TBC1D22A: variants seen among roughly 807,000 people sequenced by gnomAD.
The protein encoded by TBC1D22A is TBC1 domain family member 22A.
In TBC1D22A, 38 loss-of-function variants were observed where a neutral mutation model predicts 60.2. The observed-to-expected ratio is 0.63, with a 90% CI of 0.49 to 0.83. TBC1D22A has a LOEUF of 0.83. Among genes scored for constraint, TBC1D22A ranks in the 40% least tolerant of loss-of-function variants. The pLI, the probability that TBC1D22A is intolerant of heterozygous loss-of-function variation, is 0.00. For synonymous variants in TBC1D22A, 302 were observed against 281.7 expected (o/e 1.07, Z -0.72); for missense variants, 628 against 701.0 (o/e 0.90, Z 1.18).
At chr22:47,143,924 G>A (rs1380900930) in intron 12 of TBC1D22A, among the ~76,000 whole-genome samples, 4 of 152,164 alleles carry the variant, frequency 2.6e-5, no homozygotes, top group East Asian at 3.9e-4. Flanking sequence ...CGGCAGGCCC[G>A]CTGCCTTCTT....
At chr22:47,102,693 C>T (rs1222451020) in intron 11 of TBC1D22A, among the ~76,000 whole-genome samples, 1 of 152,194 alleles carries the variant, frequency 6.6e-6, no homozygotes, top group Non-Finnish European at 1.5e-5. Context: ...CTAAGTTCTG[C>T]TCCCTGGTTG....
chr22:46,791,531 GTTT>G (rs11351638), intron 1 of TBC1D22A, among the ~76,000 whole-genome samples: 2 of 140,624 alleles, frequency 1.4e-5, no homozygotes, highest in African/African-American at 2.6e-5. Context: ...AGCTAAGCCT[GTTT>G]TTTTTTTTTT....
At chr22:46,950,450 C>T (rs569601753) in intron 8 of TBC1D22A, among the ~76,000 whole-genome samples, 2 of 152,278 alleles carry the variant, frequency 1.3e-5, no homozygotes, top group East Asian at 1.9e-4. Flanking sequence ...CCCAGGCAGT[C>T]GTTGATTTCT....
At chr22:47,029,943 A>C (rs998572505) in intron 10 of TBC1D22A, among the ~76,000 whole-genome samples, 1 of 152,164 alleles carries the variant, frequency 6.6e-6, no homozygotes, top group African/African-American at 2.4e-5. Flanking sequence ...CACCATTGGC[A>C]GTGAGCGGTT....
At chr22:47,133,455 GC>G (rs2066750602) in intron 12 of TBC1D22A, among the ~76,000 whole-genome samples, 1 of 152,220 alleles carries the variant, frequency 6.6e-6, no homozygotes, top group African/African-American at 2.4e-5. Flanking sequence ...GGATTTGCCA[GC>G]CCCAGGTGAA....
intron 4 of TBC1D22A, among the ~76,000 whole-genome samples, chr22:46,855,253 C>G (rs904454265): frequency 2.0e-5 from 3 of 152,222 alleles, no homozygotes; most frequent in African/African-American, 4.8e-5. Flanking sequence ...GTCCCCTTAC[C>G]TATACATAAT....
At chr22:46,969,238 G>T (rs572883354) in intron 8 of TBC1D22A, among the ~76,000 whole-genome samples, 11 of 152,282 alleles carry the variant, frequency 7.2e-5, no homozygotes, top group African/African-American at 2.6e-4. Flanking sequence ...AGAAATAACT[G>T]CTCATTGTGA....
chr22:46,773,728 T>A (rs929919743), intron 1 of TBC1D22A, among the ~76,000 whole-genome samples: 2 of 152,160 alleles, frequency 1.3e-5, no homozygotes, highest in Non-Finnish European at 2.9e-5. Context: ...CACCTTGGCC[T>A]CCCAAAGTGC....
intron 11 of TBC1D22A, among the ~76,000 whole-genome samples, chr22:47,072,419 A>G (rs1258573868): frequency 6.6e-6 from 1 of 152,244 alleles, no homozygotes; most frequent in Non-Finnish European, 1.5e-5. Flanking sequence ...GCTTTGCAGC[A>G]GTGCAGTGCC....
intron 8 of TBC1D22A, among the ~76,000 whole-genome samples, chr22:46,945,914 AC>A (rs1311510355): frequency 1.3e-5 from 2 of 152,116 alleles, no homozygotes; most frequent in African/African-American, 4.8e-5. Context: ...TTTAGAACTT[AC>A]TTTTCTACTC....
At position 46,943,179 on chromosome 22, in the gene TBC1D22A, G is replaced by A. The variant is rs370306751; in HGVS notation, c.1015+30991G>A. Among the ~76,000 whole-genome samples the A allele has an allele frequency of 3.2e-4, 48 of 152,088 alleles. No individual in the cohort carries two copies. The East Asian group carries it at 4.5e-3, about 14-fold the overall frequency. ...AAATGTCCTCCGAAGGGAGCTGCCC[G>A]CCTCACTTTTGGCTTATGCTCTCCT... On this transcript the variant is annotated intron_variant, in intron 8 of 12. Transcript: ENST00000337137.
At position 47,023,460 on chromosome 22, in the gene TBC1D22A, A is replaced by G. The variant is rs148063584; in HGVS notation, c.1202-13611A>G. On this transcript the variant is annotated intron_variant, in intron 10 of 12. Transcript: ENST00000337137. Reference sequence around the variant, plus strand: ...AAATAATACTCAGTTAAAAAAAATCATATGGAACCTATAAACCTGTAGAAT... The same window carrying G: ...AAATAATACTCAGTTAAAAAAAATCGTATGGAACCTATAAACCTGTAGAAT... Among the ~76,000 whole-genome samples the G allele has an allele frequency of 5.6e-4, 85 of 152,392 alleles. 1 individual carries two copies. Among genetic ancestry groups the G allele is most frequent in the Non-Finnish European group, 9.7e-4 (66 of 68,042 alleles).
At chr22:46,995,513 T>TTGTGTGTGTG (rs560356769) in intron 9 of TBC1D22A, among the ~76,000 whole-genome samples, 1 of 151,096 alleles carries the variant, frequency 6.6e-6, no homozygotes, top group African/African-American at 2.4e-5. Context: ...TGCACGCACT[T>TTGTGTGTGTG]TGTGTGTGTG....
intron 9 of TBC1D22A, among the ~76,000 whole-genome samples, chr22:46,991,063 G>T (rs979562089): frequency 6.6e-6 from 1 of 152,180 alleles, no homozygotes; most frequent in South Asian, 2.1e-4. Flanking sequence ...GGTTGGGTTT[G>T]CACTCTATAT....
intron 12 of TBC1D22A, among the ~76,000 whole-genome samples, chr22:47,118,695 T>G (rs182396199): frequency 3.1e-4 from 47 of 151,832 alleles, no homozygotes; most frequent in African/African-American, 1.1e-3. Context: ...AGAGGGGCAG[T>G]TGGAAATGTT....
At chr22:46,898,289 G>T (rs2068791056) in intron 7 of TBC1D22A, among the ~76,000 whole-genome samples, 1 of 152,170 alleles carries the variant, frequency 6.6e-6, no homozygotes, top group Admixed American at 6.5e-5. Context: ...TGAGCTGTTG[G>T]TTTGGAAAGC....
intron 4 of TBC1D22A, among the ~76,000 whole-genome samples, chr22:46,857,344 C>T (rs1056759409): frequency 6.6e-6 from 1 of 152,204 alleles, no homozygotes; most frequent in Non-Finnish European, 1.5e-5. Flanking sequence ...CCTCCTCAGC[C>T]CTGACCCAAA....
chr22:46,987,027 C>T (rs907717931), intron 9 of TBC1D22A, among the ~76,000 whole-genome samples: 1 of 152,190 alleles, frequency 6.6e-6, no homozygotes, highest in South Asian at 2.1e-4. Context: ...CGCTGATTGT[C>T]CTCGTGGCAT....
At chr22:47,007,617 C>T (rs73890547) in intron 10 of TBC1D22A, among the ~76,000 whole-genome samples, 2,317 of 151,480 alleles carry the variant, frequency 0.015, 51 homozygotes, top group African/African-American at 0.053. Context: ...GGGCTGTCCC[C>T]TAGGGTTGGG....
Sources: gnomAD v4.1 joint callset for allele counts (sites outside exome capture counted in the v4.1 genomes callset) on GRCh38, gnomAD v4.1.1 for gene constraint, MANE v1.5 for transcripts, NCBI Gene and HGNC (gene_info 2026-07-23, HGNC 2026-07-21) for gene names.